The following LY86 variants were observed in gnomAD, a reference collection of about 807,000 sequenced individuals.
The protein encoded by LY86 is MD-1, RP105-associated.
LY86 carries 20 observed loss-of-function variants against 17.3 expected under a neutral mutation model. The observed-to-expected ratio is 1.15, with a 90% confidence interval of 0.81 to 1.68. The LOEUF is 1.68. Among genes scored for constraint, LY86 ranks in the 40% most tolerant of loss-of-function variants. The pLI is 0.00. For synonymous variants in LY86, 74 were observed against 70.6 expected, an observed-to-expected ratio of 1.05 and a Z score of -0.24; for missense variants, 200 against 191.9, an observed-to-expected ratio of 1.04 and a Z score of -0.25.
intron 2 of LY86, 62 bp downstream of exon 2, chr6:6,625,074 A>T: frequency 2.8e-6 from 2 of 715,336 alleles, no homozygotes; most frequent in Non-Finnish European, 4.7e-6. Flanking sequence ...AACTCCACAC[A>T]CCCAATGACT....
intron 3 of LY86, among the ~76,000 whole-genome samples, chr6:6,631,604 T>C (rs916808056): frequency 2.0e-5 from 3 of 152,250 alleles, no homozygotes; most frequent in Admixed American, 6.5e-5. Flanking sequence ...TCTTGGTCCC[T>C]ACCCAGACGT....
At chr6:6,605,389 A>C (rs1314128634) in intron 1 of LY86, among the ~76,000 whole-genome samples, 2 of 152,352 alleles carry the variant, frequency 1.3e-5, no homozygotes, top group East Asian at 1.9e-4. Context: ...GCTGCTTCCA[A>C]ACTCATGTGA....
chr6:6,594,438 ATGT>A (rs1438921350), intron 1 of LY86, among the ~76,000 whole-genome samples: 1 of 108,336 alleles, frequency 9.2e-6, no homozygotes, highest in Non-Finnish European at 2.2e-5. Context: ...ATTCTTTTAG[ATGT>A]TGTTTATGCT....
At chr6:6,639,037 C>A (rs1473921830) in intron 3 of LY86, among the ~76,000 whole-genome samples, 2 of 151,980 alleles carry the variant, frequency 1.3e-5, no homozygotes, top group East Asian at 1.9e-4. Flanking sequence ...ACATGTCCAA[C>A]AATGATAGAC....
intron 1 of LY86, among the ~76,000 whole-genome samples, chr6:6,599,298 C>A (rs1480799458): frequency 1.3e-5 from 2 of 152,232 alleles, no homozygotes; most frequent in Admixed American, 6.5e-5. Flanking sequence ...AAACAGTAGT[C>A]TTCCTATTTC....
At chr6:6,629,166 G>T (rs759877048) in intron 3 of LY86, among the ~76,000 whole-genome samples, 7 of 152,226 alleles carry the variant, frequency 4.6e-5, no homozygotes, top group Non-Finnish European at 7.4e-5. Flanking sequence ...GGCAAGCTGA[G>T]AAGCTGGCAT....
intron 1 of LY86, among the ~76,000 whole-genome samples, chr6:6,603,983 T>C (rs1363972900): frequency 6.6e-6 from 1 of 152,168 alleles, no homozygotes; most frequent in Non-Finnish European, 1.5e-5. Flanking sequence ...TGCAAATATG[T>C]CATCTAAGTA....
chr6:6,602,466 C>A (rs1253897501), intron 1 of LY86, among the ~76,000 whole-genome samples: 1 of 152,194 alleles, frequency 6.6e-6, no homozygotes, highest in Non-Finnish European at 1.5e-5. Flanking sequence ...TATACATAGT[C>A]CATACTCAAT....
intron 3 of LY86, among the ~76,000 whole-genome samples, chr6:6,632,957 C>G (rs1429520040): frequency 1.3e-5 from 2 of 152,180 alleles, no homozygotes; most frequent in Non-Finnish European, 2.9e-5. Flanking sequence ...GGAATGGAGT[C>G]AAGTTCACTC....
At chr6:6,601,729 AG>A (rs1439700915) in intron 1 of LY86, among the ~76,000 whole-genome samples, 1 of 150,594 alleles carries the variant, frequency 6.6e-6, no homozygotes, top group Admixed American at 6.6e-5. Flanking sequence ...CGAAAAAAAA[AG>A]AAAAAAAAAG....
intron 1 of LY86, among the ~76,000 whole-genome samples, chr6:6,598,353 T>C (rs538797427): frequency 6.6e-6 from 1 of 152,344 alleles, no homozygotes; most frequent in South Asian, 2.1e-4. Flanking sequence ...TATCTCTTTA[T>C]TATCTTTGTA....
At chr6:6,634,974 T>C (rs995926895) in intron 3 of LY86, among the ~76,000 whole-genome samples, 32 of 152,212 alleles carry the variant, frequency 2.1e-4, no homozygotes, top group Non-Finnish European at 1.9e-4. Flanking sequence ...CAGCAGGTGC[T>C]ACTTGAAGAA....
intron 1 of LY86, among the ~76,000 whole-genome samples, chr6:6,612,049 TGAA>T (rs1490121268): frequency 2.6e-5 from 4 of 152,188 alleles, no homozygotes; most frequent in Non-Finnish European, 5.9e-5. Flanking sequence ...GAGAGCAAAT[TGAA>T]GATGTTAAAA....
intron 1 of LY86, among the ~76,000 whole-genome samples, chr6:6,590,118 T>TTAAAAA (rs1305444257): frequency 1.2e-5 from 1 of 80,576 alleles, no homozygotes; most frequent in East Asian, 4.9e-4. Context: ...AACTCTGTCT[T>TTAAAAA]AAAAAAAAAA....
chr6:6,624,761 G>A (rs2233121), intron 1 of LY86, among the ~76,000 whole-genome samples, 165 bp from the exon 2 acceptor site: 2 of 152,122 alleles, frequency 1.3e-5, no homozygotes, highest in African/African-American at 4.8e-5. Flanking sequence ...GAAGACACGG[G>A]GGGGAGCTGA....
At position 6,611,843 on chromosome 6, in the gene LY86, C is replaced by T. The variant is rs2113116433; in HGVS notation, c.137-13083C>T. Among the ~76,000 whole-genome samples, 2 of 152,276 alleles carry T rather than the reference C, an allele frequency of 1.3e-5. 1 individual carries two copies. ...TAAAATAGCAGGGCTTTTGTCTCTCCTGTCAATCTAGCATCTCTCCTTCCA... is the reference window on the plus strand; with the variant it reads ...TAAAATAGCAGGGCTTTTGTCTCTCTTGTCAATCTAGCATCTCTCCTTCCA... On this transcript the variant is annotated intron_variant, in intron 1 of 4. Transcript: ENST00000230568.
At chr6:6,607,657 T>C (rs1255968220) in intron 1 of LY86, among the ~76,000 whole-genome samples, 1 of 151,884 alleles carries the variant, frequency 6.6e-6, no homozygotes, top group Non-Finnish European at 1.5e-5. Context: ...CCCAGCACTT[T>C]GGGAGGCTGA....
Position 6,612,195 on chromosome 6 carries a change from G to C in LY86, c.137-12731G>C, listed in dbSNP as rs4999004. ...TCTTGGTCTCACTGACTTCAAGAAC[G>C]AAGCCACAGACCCTCACAGTTAAGT... On this transcript the variant is annotated intron_variant, in intron 1 of 4. Coordinates refer to ENST00000230568, the MANE Select transcript of LY86 (RefSeq NM_004271.4). Among the ~76,000 whole-genome samples the C allele has an allele frequency of 1.8e-4, 28 of 152,162 alleles. No individual in the cohort carries two copies. The East Asian group carries it at 5.4e-3, about 29-fold the overall frequency.
chr6:6,615,285 T>A (rs1761526248), intron 1 of LY86, among the ~76,000 whole-genome samples: 1 of 152,144 alleles, frequency 6.6e-6, no homozygotes, highest in African/African-American at 2.4e-5. Context: ...TCCTATTGAT[T>A]TCAACGTGCA....
Sources: gnomAD v4.1 joint callset for allele counts (sites outside exome capture counted in the v4.1 genomes callset) on GRCh38, gnomAD v4.1.1 for gene constraint, MANE v1.5 for transcripts, NCBI Gene and HGNC (gene_info 2026-07-23, HGNC 2026-07-21) for gene names.